The following MYO1G variants were observed in gnomAD, a reference collection of about 807,000 sequenced individuals.
MYO1G encodes myosin IG.
Under a neutral mutation model 115.3 loss-of-function variants are expected in MYO1G, and 65 were observed. That is an observed-to-expected ratio of 0.56 (90% confidence interval 0.46 to 0.69). The LOEUF (loss-of-function observed/expected upper bound fraction) is 0.69, where lower values mean the gene tolerates loss of function less well. Ranked by LOEUF, MYO1G falls within the 30% of genes least tolerant of loss-of-function variation. The probability of loss-of-function intolerance (pLI) is 0.00; values close to 1 mark genes in which losing one functional copy is unlikely to be tolerated. For missense variants in MYO1G, 1,204 were observed against 1,393.5 expected, an observed-to-expected ratio of 0.86 and a Z score of 2.16; for synonymous variants, 510 against 552.6, an observed-to-expected ratio of 0.92 and a Z score of 1.08.
rs148751315 is a variant in MYO1G, at chr7:44,964,447, C to T, written c.2599G>A (p.Gly867Arg). The change falls in exon 19 of 22, where the codon GGG (glycine) becomes AGG (arginine). Residue 867 changes from glycine to arginine, a missense_variant. Gly to Arg is a moderately radical substitution (Grantham distance 125). Transcript: ENST00000258787. This position sits in a 1 kb window ranked among gnomAD's most constrained non-coding sequence, Gnocchi z 5.1. ...ACATGGCTTGAAAAGAGCACAGCCC[C>T]GAAGCCATCTTTGTCCTGAAGTGTC... ...LKTLQDKDGF[G>R]AVLFSSHVRK... The T allele has an allele frequency of 8.7e-6, 14 of 1,613,654 alleles. No individual in the cohort carries two copies. Among genetic ancestry groups the T allele is most frequent in the African/African-American group, 6.7e-5 (5 of 74,902 alleles).
chr7:44,977,836 G>A (rs1278899992), intron 1 of MYO1G, among the ~76,000 whole-genome samples: 1 of 152,112 alleles, frequency 6.6e-6, no homozygotes, highest in Non-Finnish European at 1.5e-5. Flanking sequence ...TGTCCTGGGT[G>A]GGCCTGTCCT....
Position 44,970,448 on chromosome 7 carries a change from T to C in MYO1G, c.1217+144A>G, listed in dbSNP as rs555800099. 6.6e-6 allele frequency: 7 copies of C among 1,062,210 alleles called. No individual in the cohort carries two copies. The South Asian group carries it at 1.1e-4, about 16-fold the overall frequency. The allele number at this position is 1,062,210 out of a possible 1,614,324, so 65.8% of individuals were successfully genotyped here. ...GTCAGAGGGTGCAGGTGAGGCAGGT[T>C]TGGGAGGCATGAGCCTTGGGCCCAG... is the stretch of plus-strand genomic sequence containing the variant. On this transcript the variant is annotated intron_variant, in intron 9 of 21. Coordinates refer to ENST00000258787, the MANE Select transcript of MYO1G (RefSeq NM_033054.3).
rs140521361 is a variant in MYO1G at position 44,966,742 on chromosome 7, G to T, written c.1879C>A (p.Leu627Met). ...CTGCGGACCCTCACATTCTCCAGCA[G>T]CCCCAGGTATGCGACCTGGTGGCGA... ...HCRHQVAYLG[L>M]LENVRVRRAG... is the part of the protein sequence containing the mutation. Residue 627 changes from leucine (L) to methionine (M), a missense_variant, in exon 15 of 22, where the codon CTG becomes ATG. By Grantham distance (15) the Leu-to-Met change is conservative. Coordinates refer to ENST00000258787, the MANE Select transcript of MYO1G (RefSeq NM_033054.3). This position sits in a 1 kb window ranked among gnomAD's most constrained non-coding sequence, Gnocchi z 5.0. 2.0e-5 allele frequency: 32 copies of T among 1,613,466 alleles called. No individual in the cohort carries two copies. The highest frequency in any genetic ancestry group is 2.6e-5 in the Non-Finnish European group (31 of 1,179,998).
chr7:44,975,409 A>T, intron 4 of MYO1G, 75 bp downstream of exon 4: 1 of 1,560,432 alleles, frequency 6.4e-7, no homozygotes, highest in Non-Finnish European at 8.7e-7. Context: ...CACCGTCGGG[A>T]TGGGTACCTT....
chr7:44,975,692 A>T, intron 3 of MYO1G, 43 bp from the exon 4 acceptor site: 1 of 1,526,598 alleles, frequency 6.6e-7, no homozygotes, highest in Non-Finnish European at 8.8e-7. Context: ...AAGACTTCCC[A>T]TCTGGGGAAT....
In MYO1G at chr7:44,966,835, G is replaced by A; in HGVS notation, c.1786C>T (p.Pro596Ser). The A allele has an allele frequency of 1.9e-6, 3 of 1,604,916 alleles. No individual in the cohort carries two copies. Among genetic ancestry groups the A allele is most frequent in the Non-Finnish European group, 2.6e-6 (3 of 1,174,572 alleles). Reference sequence around the variant, plus strand: ...GGCTTGATGCAGCGGACGTAGAAGGGCTCCTGCAGGGACAGAGGGGACTTG... The same window carrying A: ...GGCTTGATGCAGCGGACGTAGAAGGACTCCTGCAGGGACAGAGGGGACTTG... Reference protein sequence around the residue: ...ALVENLASKEPFYVRCIKPNE... With the variant: ...ALVENLASKESFYVRCIKPNE... The change falls in exon 15 of 22, where the codon CCC becomes TCC. Residue 596 changes from proline to serine, a missense_variant. Transcript: ENST00000258787. This position sits in a 1 kb window ranked among gnomAD's most constrained non-coding sequence, Gnocchi z 5.0.
chr7:44,970,763 C>T, intron 8 of MYO1G, 26 bp from the exon 9 acceptor site: 1 of 1,613,634 alleles, frequency 6.2e-7, no homozygotes, highest in Non-Finnish European at 8.5e-7. Context: ...ACCCTGCTTC[C>T]TGCTGCCTCT....
At position 44,967,934 on chromosome 7, in the gene MYO1G, G is replaced by A. The variant is rs1325615011; in HGVS notation, c.1599C>T (p.Asp533=). The change falls in exon 13 of 22, where the codon GAC becomes GAT. Residue 533 remains aspartate, a synonymous_variant. Coordinates refer to ENST00000258787, the MANE Select transcript of MYO1G (RefSeq NM_033054.3). Reference sequence around the variant, plus strand: ...CCTGGAAGAGGAAATCTCTGTTCTTGTCGATGAAGCCTTCCACGGAGTACC... The same window carrying A: ...CCTGGAAGAGGAAATCTCTGTTCTTATCGATGAAGCCTTCCACGGAGTACC... ...DVTYSVEGFI[D]KNRDFLFQDF... is the part of the protein sequence containing the mutation. 3 of 1,613,932 alleles carry A rather than the reference G, an allele frequency of 1.9e-6. No individual in the cohort carries two copies. Among genetic ancestry groups the A allele is most frequent in the African/African-American group, 1.3e-5 (1 of 74,944 alleles).
Position 44,978,866 on chromosome 7 carries a change from C to T in MYO1G, c.95+1G>A, listed in dbSNP as rs1181253799. Reference sequence around the variant, plus strand: ...GCCACTGCCTCCTGCCCTGGGCCTACCTGAGCTGCAGGTTCCTCATGAAGT... The same window carrying T: ...GCCACTGCCTCCTGCCCTGGGCCTATCTGAGCTGCAGGTTCCTCATGAAGT... On this transcript the variant is annotated splice_donor_variant, in intron 1 of 21. Transcript: ENST00000258787. LOFTEE classifies it high-confidence loss of function. 1 of 1,614,042 alleles carries T rather than the reference C, an allele frequency of 6.2e-7. No homozygotes were observed. The highest frequency in any genetic ancestry group is 8.5e-7 in the Non-Finnish European group (1 of 1,179,898).
In MYO1G at chr7:44,964,867, C is replaced by A; in HGVS notation, c.2526+78G>T. On this transcript the variant is annotated intron_variant, in intron 18 of 21. Transcript: ENST00000258787. The surrounding 1 kb of genome is among the most constrained non-coding windows in gnomAD (Gnocchi z 5.1). ...GCCTGGGAGAGGACATCTGAGGGGA[C>A]CTGGTCACAGCATTAGCCGAGAGCC... The A allele has an allele frequency of 2.0e-6, 3 of 1,533,454 alleles. No individual in the cohort carries two copies. Among genetic ancestry groups the A allele is most frequent in the Non-Finnish European group, 2.6e-6 (3 of 1,135,550 alleles). The allele number at this position is 1,533,454 out of a possible 1,614,324, so 95.0% of individuals were successfully genotyped here.
chr7:44,970,823 C>T lies in MYO1G; in HGVS notation c.1071+12G>A, dbSNP rs564724470. On this transcript the variant is annotated intron_variant, in intron 8 of 21. Transcript: ENST00000258787. Reference sequence around the variant, plus strand: ...TCCTGGGCTTCCCTCCCTGTGCCTGCCCCCAAAGTACCTTGGCACAGGCAT... The same window carrying T: ...TCCTGGGCTTCCCTCCCTGTGCCTGTCCCCAAAGTACCTTGGCACAGGCAT... 2.5e-6 allele frequency: 4 copies of T among 1,613,610 alleles called. No individual in the cohort carries two copies. The highest frequency in any genetic ancestry group is 1.6e-4 in the Middle Eastern group (1 of 6,062).
rs1583782723 is a variant in MYO1G, at chr7:44,963,694, A to G, written c.2745+355T>C. 1 of 275,474 alleles carries G rather than the reference A, an allele frequency of 3.6e-6. No homozygotes were observed. The highest frequency in any genetic ancestry group is 2.3e-5 in the African/African-American group (1 of 44,212). 17.1% of individuals were successfully genotyped at this position (275,474 alleles called of 1,614,324 possible). A position where few individuals can be genotyped will look rare whatever the true frequency, so the allele number is the denominator to read the frequency against. ...GGCAGAAGGTTCCGGAGTGGCCGGG[A>G]CGGTATCCCACAGGAGGCCCAGAAC... is the stretch of plus-strand genomic sequence containing the variant. On this transcript the variant is annotated intron_variant, in intron 20 of 21. Transcript: ENST00000258787. The surrounding 1 kb of genome is among the most constrained non-coding windows in gnomAD (Gnocchi z 4.1).
At chr7:44,971,573 TG>T in intron 7 of MYO1G, 99 bp downstream of exon 7, 1 of 825,054 alleles carries the variant, frequency 1.2e-6, no homozygotes, top group Non-Finnish European at 2.0e-6. Flanking sequence ...AGCACATTGC[TG>T]GGGCATCTCC....
In MYO1G at chr7:44,962,960, C is replaced by T. The variant is rs1794774763; in HGVS notation, c.2900+10G>A. 5 of 1,529,040 alleles carry T rather than the reference C, an allele frequency of 3.3e-6. No homozygotes were observed. In the African/African-American group the frequency reaches 7.1e-5, roughly 22 times the overall value. 94.7% of individuals were successfully genotyped at this position (1,529,040 alleles called of 1,614,324 possible). ...GGCTTCGTGCCCGCTACCGCCCAGC[C>T]TGCACTCACCCCTGGCAGTGTGCGG... On this transcript the variant is annotated intron_variant, in intron 21 of 21. Coordinates refer to ENST00000258787, the MANE Select transcript of MYO1G (RefSeq NM_033054.3). The surrounding 1 kb of genome is among the most constrained non-coding windows in gnomAD (Gnocchi z 5.3).
chr7:44,969,579 G>T lies in MYO1G; in HGVS notation c.1504-96C>A. 2 of 1,577,460 alleles carry T rather than the reference G, an allele frequency of 1.3e-6. No individual in the cohort carries two copies. The highest frequency in any genetic ancestry group is 1.7e-6 in the Non-Finnish European group (2 of 1,149,286). On this transcript the variant is annotated intron_variant, in intron 11 of 21. Transcript: ENST00000258787. The surrounding 1 kb of genome is among the most constrained non-coding windows in gnomAD (Gnocchi z 5.0). ...CCCCACCTCCAGGGCAGAGAAGGTT[G>T]CCACAGTGACGACAATGGCACCAAA...
In MYO1G at chr7:44,971,001, A is replaced by G. The variant is rs1317833703; in HGVS notation, c.905T>C (p.Val302Ala). 1 of 1,613,346 alleles carries G rather than the reference A, an allele frequency of 6.2e-7. No individual in the cohort carries two copies. Residue 302 changes from valine to alanine, a missense_variant, in exon 8 of 22, where the codon GTG (valine) becomes GCG (alanine). Coordinates refer to ENST00000258787, the MANE Select transcript of MYO1G (RefSeq NM_033054.3). ...EGGLQKEGLA[V>A]AEEALVDHVA... is the part of the protein sequence containing the mutation. ...ATGGTCCACCAGTGCCTCCTCGGCC[A>G]CTGCCAGGCCCTCCTTCTGCAGCCC...
At position 44,976,699 on chromosome 7, in the gene MYO1G, T is replaced by C. The variant is rs371382300; in HGVS notation, c.305-42A>G. On this transcript the variant is annotated intron_variant, in intron 2 of 21. Transcript: ENST00000258787. ...AGTTGAGAGAATCAGCCAGGTTCGC[T>C]CTCTTAGCCCAGCTCCCTGTGCCCA... 22 of 1,612,246 alleles carry C rather than the reference T, an allele frequency of 1.4e-5. 1 individual carries two copies. The Middle Eastern group carries it at 4.9e-4, about 36-fold the overall frequency.
At chr7:44,977,174 C>T (rs999598369) in intron 1 of MYO1G, 103 bp from the exon 2 acceptor site, 10 of 1,072,934 alleles carry the variant, frequency 9.3e-6, no homozygotes, top group Non-Finnish European at 1.2e-5. Context: ...GGCCAGCGCT[C>T]CCACCCTGAC....
At chr7:44,970,769 C>T in intron 8 of MYO1G, 32 bp from the exon 9 acceptor site, 1 of 1,613,574 alleles carries the variant, frequency 6.2e-7, no homozygotes, top group East Asian at 2.2e-5. Flanking sequence ...CTTCCTGCTG[C>T]CTCTGGCCTG....
Sources: gnomAD v4.1 joint callset for allele counts (sites outside exome capture counted in the v4.1 genomes callset) on GRCh38, gnomAD v4.1.1 for gene constraint, Gnocchi (gnomAD v3.1) non-coding constraint, MANE v1.5 for transcripts, NCBI Gene and HGNC (gene_info 2026-07-23, HGNC 2026-07-21) for gene names.